Variants in QRSL1 observed in about 807,000 individuals in gnomAD.
QRSL1 encodes glutaminyl-tRNA amidotransferase subunit QRSL1, also known as glutamyl-tRNA(Gln) amidotransferase subunit A, mitochondrial.
QRSL1 carries 54 observed loss-of-function variants against 61.6 expected under a neutral mutation model. The ratio of observed to expected loss-of-function variants is 0.88; its 90% confidence interval spans 0.70 to 1.10. The LOEUF (loss-of-function observed/expected upper bound fraction) is 1.10, where lower values mean the gene tolerates loss of function less well. Ranked by LOEUF, QRSL1 falls within the 50% of genes least tolerant of loss-of-function variation. The pLI, the probability that QRSL1 is intolerant of heterozygous loss-of-function variation, is 0.00. For missense variants in QRSL1, 505 were observed against 622.6 expected, an observed-to-expected ratio of 0.81 and a Z score of 2.01; for synonymous variants, 228 against 225.7, an observed-to-expected ratio of 1.01 and a Z score of -0.09.
rs962722071 is a variant in QRSL1 at position 106,667,523 on chromosome 6, T to G, written c.*1521T>G. 2.0e-5 allele frequency: 3 copies of G among 152,156 alleles called. No homozygotes were observed. The highest frequency in any genetic ancestry group is 7.2e-5 in the African/African-American group (3 of 41,438). 9.4% of individuals were successfully genotyped at this position (152,156 alleles called of 1,614,324 possible). A position where few individuals can be genotyped will look rare whatever the true frequency, so the allele number is the denominator to read the frequency against. On this transcript the variant is annotated 3_prime_UTR_variant, in exon 11 of 11. Coordinates refer to ENST00000369046, the MANE Select transcript of QRSL1 (RefSeq NM_018292.5). The stretch of plus-strand genomic sequence containing the variant: ...AAAGCTGAATTGTTACTTAATAAAT[T>G]CACTTTGTTTAGTAAAAAAAAATTG...
chr6:106,654,945 T>G, intron 8 of QRSL1, 23 bp downstream of exon 8: 1 of 1,531,600 alleles, frequency 6.5e-7, no homozygotes, highest in Non-Finnish European at 8.8e-7. Flanking sequence ...GGTTATTTTA[T>G]TTTTAAGGTA....
At chr6:106,643,184 C>A in intron 4 of QRSL1, 94 bp downstream of exon 4, 2 of 813,278 alleles carry the variant, frequency 2.5e-6, no homozygotes, top group African/African-American at 1.7e-5. Context: ...GATCTAATGC[C>A]AGTTTCTTAG....
chr6:106,634,344 A>G (rs961677008), intron 1 of QRSL1, among the ~76,000 whole-genome samples: 1 of 152,220 alleles, frequency 6.6e-6, no homozygotes, highest in Non-Finnish European at 1.5e-5. Flanking sequence ...GGGAGTATGG[A>G]TTTTATTCCA....
rs1554200732 is a variant in QRSL1 at position 106,639,116 on chromosome 6, G to GTTTTTTTTTTTTTTTTT, written c.25-1231_25-1230insTTTTTTTTTTTTTTTTT. 6.3e-4 allele frequency among the ~76,000 whole-genome samples: 34 copies of GTTTTTTTTTTTTTTTTT among 54,354 alleles called. 3 individuals carry two copies. The highest frequency in any genetic ancestry group is 1.6e-3 in the East Asian group (4 of 2,518). The allele number at this position is 54,354 out of a possible 152,430, so 35.7% of individuals were successfully genotyped here. On this transcript the variant is annotated intron_variant, in intron 1 of 10. Coordinates refer to ENST00000369046, the MANE Select transcript of QRSL1 (RefSeq NM_018292.5). ...ACTTGTGTGGTTATTTGTGTGTTTT[G>GTTTTTTTTTTTTTTTTT]TTGTTTTTTTTTTTTTTTTTTTTTT...
intron 4 of QRSL1, among the ~76,000 whole-genome samples, chr6:106,645,252 C>CAAGTTTAAT (rs1185395340): frequency 6.6e-6 from 1 of 152,126 alleles, no homozygotes; most frequent in African/African-American, 2.4e-5. Context: ...TTTCTACAAA[C>CAAGTTTAAT]AAGTTTAATG....
chr6:106,634,943 G>T (rs1776898227), intron 1 of QRSL1, among the ~76,000 whole-genome samples: 1 of 152,088 alleles, frequency 6.6e-6, no homozygotes, highest in Non-Finnish European at 1.5e-5. Flanking sequence ...TTGGGGAAAT[G>T]TGACATCAAG....
chr6:106,656,101 A>G (rs1326810522), intron 9 of QRSL1, among the ~76,000 whole-genome samples: 1 of 152,256 alleles, frequency 6.6e-6, no homozygotes, highest in African/African-American at 2.4e-5. Context: ...ATTGTATTAG[A>G]TGTTACAAGT....
chr6:106,631,190 C>A (rs1433974030), intron 1 of QRSL1, among the ~76,000 whole-genome samples: 1 of 152,144 alleles, frequency 6.6e-6, no homozygotes, highest in Non-Finnish European at 1.5e-5. Flanking sequence ...CACGCCACTG[C>A]ACTCCAGCCT....
rs1777211271 is a variant in QRSL1, at chr6:106,652,903, A to G, written c.849+321A>G. On this transcript the variant is annotated intron_variant, in intron 7 of 10. Transcript: ENST00000369046. ...TCTTTATCATAACTGCTTAACTGCC[A>G]TTATAGTGAGAAAGCAGCCACAGAC... The G allele has an allele frequency of 1.0e-5, 7 of 681,278 alleles. No homozygotes were observed. In the South Asian group the frequency reaches 1.5e-4, roughly 14 times the overall value. 42.2% of individuals were successfully genotyped at this position (681,278 alleles called of 1,614,324 possible). A position where few individuals can be genotyped will look rare whatever the true frequency, so the allele number is the denominator to read the frequency against.
chr6:106,640,269 A>G, intron 1 of QRSL1, 80 bp from the exon 2 acceptor site: 1 of 1,255,380 alleles, frequency 8.0e-7, no homozygotes, highest in East Asian at 2.4e-5. Context: ...TAGCCACTCC[A>G]TCTCCCCCCA....
intron 9 of QRSL1, among the ~76,000 whole-genome samples, chr6:106,661,651 G>A (rs1181723331): frequency 8.8e-6 from 1 of 114,150 alleles, no homozygotes; most frequent in Non-Finnish European, 1.8e-5. Context: ...CATTTTTACT[G>A]TTGTGGAAAC....
At chr6:106,655,881 C>A in intron 9 of QRSL1, 149 bp downstream of exon 9, 1 of 553,396 alleles carries the variant, frequency 1.8e-6, no homozygotes, top group Non-Finnish European at 3.3e-6. Flanking sequence ...CTTTTGGGTC[C>A]TGGTATTCAA....
At chr6:106,634,375 G>C (rs1776887680) in intron 1 of QRSL1, among the ~76,000 whole-genome samples, 1 of 152,152 alleles carries the variant, frequency 6.6e-6, no homozygotes, top group African/African-American at 2.4e-5. Flanking sequence ...GAATCTTCTG[G>C]AAAGTTTTGA....
chr6:106,631,418 G>T lies in QRSL1; in HGVS notation c.24+1713G>T, dbSNP rs182456341. Among the ~76,000 whole-genome samples, 259 of 152,254 alleles carry T rather than the reference G, an allele frequency of 1.7e-3. 1 individual carries two copies. Among genetic ancestry groups the T allele is most frequent in the African/African-American group, 6.0e-3 (248 of 41,550 alleles). On this transcript the variant is annotated intron_variant, in intron 1 of 10. Coordinates refer to ENST00000369046, the MANE Select transcript of QRSL1 (RefSeq NM_018292.5). The stretch of plus-strand genomic sequence containing the variant: ...ATGCAATGGGAATATGTGTAATATT[G>T]TAAACTATGTGCCTATTCAAGAAGG...
At chr6:106,642,440 T>A in intron 3 of QRSL1, 2 of 612,700 alleles carry the variant, frequency 3.3e-6, no homozygotes, top group South Asian at 3.5e-5. Context: ...GGAACCACCA[T>A]CATCCAGTAA....
intron 1 of QRSL1, among the ~76,000 whole-genome samples, chr6:106,639,131 T>TTTG (rs1554200751): frequency 0.04 from 5,560 of 138,586 alleles, 235 homozygotes; most frequent in Middle Eastern, 0.062. Context: ...TTTTTTTTTT[T>TTTG]TTTTTTTTTT....
intron 9 of QRSL1, 64 bp from the exon 10 acceptor site, chr6:106,662,916 A>G: frequency 2.2e-6 from 3 of 1,341,522 alleles, no homozygotes; most frequent in Admixed American, 1.8e-5. Flanking sequence ...GCCTAATGTA[A>G]GATAATTGAT....
At chr6:106,649,681 T>A (rs1777165331) in intron 5 of QRSL1, among the ~76,000 whole-genome samples, 1 of 152,182 alleles carries the variant, frequency 6.6e-6, no homozygotes, top group South Asian at 2.1e-4. Flanking sequence ...TTTTAAATAG[T>A]GTTTTCAGGA....
chr6:106,632,781 CTTT>C (rs1361126045), intron 1 of QRSL1, among the ~76,000 whole-genome samples: 14 of 152,136 alleles, frequency 9.2e-5, no homozygotes, highest in Non-Finnish European at 2.1e-4. Flanking sequence ...CTATTCCAAT[CTTT>C]TGCCCATTTT....
Sources: gnomAD v4.1 joint callset for allele counts (sites outside exome capture counted in the v4.1 genomes callset) on GRCh38, gnomAD v4.1.1 for gene constraint, MANE v1.5 for transcripts, NCBI Gene and HGNC (gene_info 2026-07-23, HGNC 2026-07-21) for gene names.